The following PCDH15 variants were observed in gnomAD, a reference collection of about 807,000 sequenced individuals.
PCDH15 encodes protocadherin-15.
Under a neutral mutation model 178.5 loss-of-function variants are expected in PCDH15, and 129 were observed. That is an observed-to-expected ratio of 0.72 (90% CI 0.63 to 0.84). The LOEUF is 0.84. PCDH15 is among the 40% of genes least tolerant of loss of function. The pLI, the probability that PCDH15 is intolerant of heterozygous loss-of-function variation, is 0.00. For missense variants in PCDH15, 2,230 were observed against 2,099.9 expected, an observed-to-expected ratio of 1.06 and a Z score of -1.21; for synonymous variants, 800 against 732.0, an observed-to-expected ratio of 1.09 and a Z score of -1.50.
intron 2 of PCDH15, among the ~76,000 whole-genome samples, chr10:55,078,218 G>T (rs1841957254): frequency 6.6e-6 from 1 of 152,098 alleles, no homozygotes; most frequent in African/African-American, 2.4e-5. Flanking sequence ...TAAATGACTA[G>T]ATGATTTTCT....
intron 1 of PCDH15, among the ~76,000 whole-genome samples, chr10:55,296,796 G>A (rs958459924): frequency 6.6e-6 from 1 of 151,910 alleles, no homozygotes; most frequent in African/African-American, 2.4e-5. Flanking sequence ...CAAACACATT[G>A]TCACATCACT....
intron 21 of PCDH15, among the ~76,000 whole-genome samples, chr10:53,966,453 ACTT>A (rs900952156): frequency 6.6e-6 from 1 of 150,820 alleles, no homozygotes; most frequent in African/African-American, 2.4e-5. Flanking sequence ...TCCTTTCTTT[ACTT>A]CTTTCCAAAG....
chr10:54,158,529 C>T (rs2045388120), intron 13 of PCDH15, among the ~76,000 whole-genome samples: 1 of 152,166 alleles, frequency 6.6e-6, no homozygotes, highest in African/African-American at 2.4e-5. Flanking sequence ...CATGTGACCA[C>T]AAAATAATCT....
intron 23 of PCDH15, among the ~76,000 whole-genome samples, chr10:53,946,685 G>A (rs935720863): frequency 1.3e-5 from 2 of 152,196 alleles, no homozygotes; most frequent in South Asian, 4.1e-4. Context: ...AATATTTGCA[G>A]ATTAAATGCA....
At chr10:54,869,588 T>C (rs970806231) in intron 3 of PCDH15, among the ~76,000 whole-genome samples, 2 of 152,192 alleles carry the variant, frequency 1.3e-5, no homozygotes, top group Non-Finnish European at 2.9e-5. Context: ...AAGTTGTTTA[T>C]CCAATTCAAA....
chr10:53,938,962 A>G lies in PCDH15; in HGVS notation c.3233-7T>C. 1 of 1,611,108 alleles carries G rather than the reference A, an allele frequency of 6.2e-7. No individual in the cohort carries two copies. Among genetic ancestry groups the G allele is most frequent in the Non-Finnish European group, 8.5e-7 (1 of 1,177,824 alleles). ...TTATTAATTCCAAATGTATCTAGAA[A>G]TTAAAATACAATTACCTGGTCATTG... On this transcript the variant is annotated splice_region_variant and splice_polypyrimidine_tract_variant and intron_variant, in intron 24 of 37. Coordinates refer to ENST00000644397, the MANE Select transcript of PCDH15 (RefSeq NM_001384140.1).
chr10:54,067,066 C>A (rs2094149407), intron 17 of PCDH15, among the ~76,000 whole-genome samples, 181 bp from the exon 18 acceptor site: 1 of 151,996 alleles, frequency 6.6e-6, no homozygotes, highest in South Asian at 2.1e-4. Context: ...TGCAAAGAAG[C>A]TTCCCACCTC....
chr10:55,388,689 A>G (rs558743849), intron 2 of PCDH15, among the ~76,000 whole-genome samples: 124 of 152,240 alleles, frequency 8.1e-4, no homozygotes, highest in South Asian at 2.1e-4. Context: ...ATACCTCCAG[A>G]GACTATGGTT....
intron 2 of PCDH15, among the ~76,000 whole-genome samples, chr10:55,350,793 C>A (rs1346947063): frequency 6.6e-6 from 1 of 151,804 alleles, no homozygotes; most frequent in Non-Finnish European, 1.5e-5. Context: ...TTTTATTTTT[C>A]TTTTCTTGTT....
chr10:54,920,061 C>T (rs1412815109), intron 2 of PCDH15, among the ~76,000 whole-genome samples: 1 of 152,140 alleles, frequency 6.6e-6, no homozygotes, highest in Non-Finnish European at 1.5e-5. Context: ...TAATAATGAT[C>T]TATACTCCTC....
chr10:54,992,467 A>G (rs979478305), intron 2 of PCDH15, among the ~76,000 whole-genome samples: 4 of 152,104 alleles, frequency 2.6e-5, no homozygotes, highest in African/African-American at 9.7e-5. Context: ...AAAAGGGTGA[A>G]GTTGATCGGG....
rs138236949 is a variant in PCDH15 at position 54,785,539 on chromosome 10, A to G, written c.-29+15386T>C. ...ATCCCCTTTTGATCTGGATTAATTA[A>G]TGTTCCTGAGGGAGTGCTGATTTTC... On this transcript the variant is annotated intron_variant, in intron 1 of 37. Coordinates refer to ENST00000644397, the MANE Select transcript of PCDH15 (RefSeq NM_001384140.1). Among the ~76,000 whole-genome samples, 8 of 152,076 alleles carry G rather than the reference A, an allele frequency of 5.3e-5. No individual in the cohort carries two copies. The East Asian group carries it at 1.6e-3, about 30-fold the overall frequency.
In PCDH15 at chr10:55,392,979, ATGTGTGTGTGTGTGTGTGTGTG is replaced by A. The variant is rs10546546; in HGVS notation, c.-155-226350_-155-226329del. Among the ~76,000 whole-genome samples the A allele has an allele frequency of 4.4e-3, 640 of 144,156 alleles. 9 individuals carry two copies. Among genetic ancestry groups the A allele is most frequent in the African/African-American group, 0.016 (614 of 39,242 alleles). The allele number at this position is 144,156 out of a possible 152,430, so 94.6% of individuals were successfully genotyped here. ...AGTATCAATCTAAGAACTAAAGTGT[ATGTGTGTGTGTGTGTGTGTGTG>A]TGTGTGTGTGTGTGTATTTTTGTTT... On this transcript the variant is annotated intron_variant, in intron 2 of 5. Transcript: ENST00000613346.
chr10:53,979,451 G>T (rs2090445167), intron 21 of PCDH15, among the ~76,000 whole-genome samples: 1 of 152,196 alleles, frequency 6.6e-6, no homozygotes, highest in South Asian at 2.1e-4. Flanking sequence ...TTCAAGATGA[G>T]ATTTGGGTGA....
chr10:55,503,280 T>C (rs1303440943), intron 2 of PCDH15, among the ~76,000 whole-genome samples: 3 of 150,502 alleles, frequency 2.0e-5, no homozygotes, highest in African/African-American at 7.3e-5. Context: ...ATCTTATATA[T>C]GCATAATTTG....
At chr10:55,514,831 G>C (rs1242056557) in intron 2 of PCDH15, among the ~76,000 whole-genome samples, 1 of 152,042 alleles carries the variant, frequency 6.6e-6, no homozygotes, top group Non-Finnish European at 1.5e-5. Context: ...TGGGGAAATG[G>C]AGTTGCCATT....
intron 2 of PCDH15, among the ~76,000 whole-genome samples, chr10:55,146,555 T>G (rs1046563781): frequency 7.2e-5 from 11 of 151,928 alleles, no homozygotes; most frequent in African/African-American, 2.7e-4. Context: ...TATAGCGTTC[T>G]GTAACACGTG....
intron 2 of PCDH15, among the ~76,000 whole-genome samples, chr10:55,335,113 T>A (rs1844347018): frequency 6.6e-6 from 1 of 152,202 alleles, no homozygotes; most frequent in African/African-American, 2.4e-5. Context: ...CTTTTTGCTG[T>A]TTACGCTGAT....
intron 2 of PCDH15, among the ~76,000 whole-genome samples, chr10:55,428,838 C>T (rs1383667552): frequency 6.6e-6 from 1 of 151,634 alleles, no homozygotes; most frequent in Non-Finnish European, 1.5e-5. Flanking sequence ...TATTTTATTT[C>T]CTTTATTGGC....
Sources: gnomAD v4.1 joint callset for allele counts (sites outside exome capture counted in the v4.1 genomes callset) on GRCh38, gnomAD v4.1.1 for gene constraint, MANE v1.5 for transcripts, NCBI Gene and HGNC (gene_info 2026-07-23, HGNC 2026-07-21) for gene names.